C21orf58: variants seen among roughly 807,000 people sequenced by gnomAD.
C21orf58 encodes the protein chromosome 21 open reading frame 58.
C21orf58 carries 34 observed loss-of-function variants against 35.8 expected under a neutral mutation model. The ratio of observed to expected loss-of-function variants is 0.95; its 90% confidence interval spans 0.72 to 1.26. The LOEUF (loss-of-function observed/expected upper bound fraction) is 1.26, where lower values mean the gene tolerates loss of function less well. C21orf58 is among the 50% of genes most tolerant of loss of function. The pLI is 0.00. For missense variants in C21orf58, 440 were observed against 414.3 expected (o/e 1.06, Z -0.54); for synonymous variants, 191 against 175.8 (o/e 1.09, Z -0.68).
chr21:46,310,802 A>ACTCT (rs199803190), intron 6 of C21orf58, among the ~76,000 whole-genome samples: 2 of 149,298 alleles, frequency 1.3e-5, no homozygotes, highest in African/African-American at 4.9e-5. Context: ...AAAGTAAGAC[A>ACTCT]CTCTCTCTCT....
chr21:46,303,738 T>TATAC lies in C21orf58; in HGVS notation c.722-1163_722-1162insGTAT, dbSNP rs2082266793. ...ATATATATATATATATATATATATATATATATATTTTTTTTTTTTTTTTTT... is the reference window on the plus strand; with the variant it reads ...ATATATATATATATATATATATATATATACATATATATTTTTTTTTTTTTTTTTT... On this transcript the variant is annotated intron_variant, in intron 6 of 7. Transcript: ENST00000291691. Among the ~76,000 whole-genome samples, 6 of 23,856 alleles carry TATAC rather than the reference T, an allele frequency of 2.5e-4. No homozygotes were observed. In the South Asian group the frequency reaches 6.8e-3, roughly 27 times the overall value. The allele number at this position is 23,856 out of a possible 152,430, so 15.7% of individuals were successfully genotyped here.
intron 1 of C21orf58, chr21:46,318,464 C>T: frequency 7.1e-7 from 1 of 1,400,424 alleles, no homozygotes; most frequent in South Asian, 1.5e-5. Context: ...GGGCAGAACC[C>T]TCAGACCTGG....
At chr21:46,305,428 C>G (rs889505003) in intron 6 of C21orf58, among the ~76,000 whole-genome samples, 1 of 149,922 alleles carries the variant, frequency 6.7e-6, no homozygotes. Context: ...CTCCTGGGCT[C>G]AAGGGATCCC....
Position 46,301,354 on chromosome 21 carries a change from C to G in C21orf58, c.*645G>C, listed in dbSNP as rs1419235701. On this transcript the variant is annotated 3_prime_UTR_variant, in exon 8 of 8. Transcript: ENST00000291691. ...TAGAGACGGGGTCTTGCTATGTGACCCAGGCTGGTCTCGAATTCCTGAGCT... is the reference window on the plus strand; with the variant it reads ...TAGAGACGGGGTCTTGCTATGTGACGCAGGCTGGTCTCGAATTCCTGAGCT... 1 of 466,038 alleles carries G rather than the reference C, an allele frequency of 2.1e-6. No homozygotes were observed. Among genetic ancestry groups the G allele is most frequent in the Admixed American group, 6.4e-5 (1 of 15,632 alleles). The allele number at this position is 466,038 out of a possible 1,614,324, so 28.9% of individuals were successfully genotyped here.
At position 46,315,667 on chromosome 21, in the gene C21orf58, G is replaced by C. The variant is rs750080257; in HGVS notation, c.371-120C>G. On this transcript the variant is annotated intron_variant, in intron 3 of 7. Coordinates refer to ENST00000291691, the MANE Select transcript of C21orf58 (RefSeq NM_058180.5). ...CCTGCCTCACCCACACTCCCAGGAT[G>C]GGGGAGGCCTGGGAGGATCCTGGTC... 4 of 709,282 alleles carry C rather than the reference G, an allele frequency of 5.6e-6. No homozygotes were observed. In the Admixed American group the frequency reaches 6.2e-5, roughly 11 times the overall value. The allele number at this position is 709,282 out of a possible 1,614,324, so 43.9% of individuals were successfully genotyped here. A position where few individuals can be genotyped will look rare whatever the true frequency, so the allele number is the denominator to read the frequency against.
chr21:46,317,400 C>G, intron 2 of C21orf58, 132 bp from the exon 3 acceptor site: 4 of 1,499,816 alleles, frequency 2.7e-6, no homozygotes, highest in South Asian at 2.5e-5. Context: ...CCAGGGCCAA[C>G]AGGCGGGAGT....
Position 46,323,501 on chromosome 21 carries a change from C to G in C21orf58, c.-763G>C, listed in dbSNP as rs2146168238. ...GCGGGGCCTGCAGGTCCAGGCGGTTCGCGGGCTTTCTGACCGCATTCGGCC... is the reference window on the plus strand; with the variant it reads ...GCGGGGCCTGCAGGTCCAGGCGGTTGGCGGGCTTTCTGACCGCATTCGGCC... On this transcript the variant is annotated 5_prime_UTR_variant, in exon 1 of 8. Transcript: ENST00000291691. 6.6e-6 allele frequency: 1 copy of G among 152,498 alleles called. No homozygotes were observed. Among genetic ancestry groups the G allele is most frequent in the South Asian group, 2.0e-4 (1 of 4,996 alleles). The allele number at this position is 152,498 out of a possible 1,614,324, so 9.4% of individuals were successfully genotyped here.
chr21:46,301,788 C>A lies in C21orf58; in HGVS notation c.*211G>T. 1 of 1,239,732 alleles carries A rather than the reference C, an allele frequency of 8.1e-7. No homozygotes were observed. The highest frequency in any genetic ancestry group is 1.0e-6 in the Non-Finnish European group (1 of 992,442). The allele number at this position is 1,239,732 out of a possible 1,614,324, so 76.8% of individuals were successfully genotyped here. On this transcript the variant is annotated 3_prime_UTR_variant, in exon 8 of 8. Coordinates refer to ENST00000291691, the MANE Select transcript of C21orf58 (RefSeq NM_058180.5). ...CACAGGCCCCTCACTGCAGGGGACC[C>A]GGAGCAAGGGATGCCCCCTGGAATG...
At chr21:46,310,504 A>C (rs1346145032) in intron 6 of C21orf58, among the ~76,000 whole-genome samples, 1 of 151,594 alleles carries the variant, frequency 6.6e-6, no homozygotes, top group African/African-American at 2.4e-5. Context: ...AAATAAAAAA[A>C]AAAAACAAAA....
At chr21:46,315,240 A>C in intron 4 of C21orf58, 2 of 596,528 alleles carry the variant, frequency 3.4e-6, no homozygotes, top group East Asian at 2.8e-5. Context: ...GCAAACCTCC[A>C]GGCATCCCAG....
Position 46,301,340 on chromosome 21 carries a change from T to C in C21orf58, c.*659A>G, listed in dbSNP as rs1432572574. On this transcript the variant is annotated 3_prime_UTR_variant, in exon 8 of 8. Transcript: ENST00000291691. ...AAATTTATTTTTTGTAGAGACGGGG[T>C]CTTGCTATGTGACCCAGGCTGGTCT... 5.6e-6 allele frequency: 2 copies of C among 358,862 alleles called. No individual in the cohort carries two copies. Among genetic ancestry groups the C allele is most frequent in the African/African-American group, 4.4e-5 (2 of 45,058 alleles). The allele number at this position is 358,862 out of a possible 1,614,324, so 22.2% of individuals were successfully genotyped here.
intron 1 of C21orf58, chr21:46,318,453 G>A: frequency 7.1e-7 from 1 of 1,411,648 alleles, no homozygotes; most frequent in South Asian, 1.5e-5. Flanking sequence ...CTGAGGCAGA[G>A]GGGCAGAACC....
Position 46,301,929 on chromosome 21 carries a change from G to T in C21orf58, c.*70C>A. The T allele has an allele frequency of 7.1e-7, 1 of 1,399,250 alleles. No individual in the cohort carries two copies. Among genetic ancestry groups the T allele is most frequent in the Non-Finnish European group, 9.3e-7 (1 of 1,079,284 alleles). 86.7% of individuals were successfully genotyped at this position (1,399,250 alleles called of 1,614,324 possible). A position where few individuals can be genotyped will look rare whatever the true frequency, so the allele number is the denominator to read the frequency against. On this transcript the variant is annotated 3_prime_UTR_variant, in exon 8 of 8. Transcript: ENST00000291691. Reference sequence around the variant, plus strand: ...TCTCCCTGCTCCCTTCCATAGTCCCGCCACAGCCCACAGCCCTGAGGAAGC... The same window carrying T: ...TCTCCCTGCTCCCTTCCATAGTCCCTCCACAGCCCACAGCCCTGAGGAAGC...
chr21:46,318,991 C>T (rs1569138636), intron 1 of C21orf58: 2 of 335,452 alleles, frequency 6.0e-6, no homozygotes, highest in Non-Finnish European at 8.5e-6. Flanking sequence ...AGGTCAGCAC[C>T]CTCCTCGGTG....
chr21:46,314,744 G>C lies in C21orf58; in HGVS notation c.581C>G (p.Pro194Arg), dbSNP rs1447083259. Reference protein sequence around the residue: ...LPTASPSPLAPDPPRIILPTV... With the variant: ...LPTASPSPLARDPPRIILPTV... ...AGGCAGGATGATCCTTGGCGGGTCT[G>C]GGGCCAGCGGGGATGGGGAGGCAGT... Residue 194 changes from proline (P) to arginine (R), a missense_variant, in exon 5 of 8, where the codon CCA (proline) becomes CGA (arginine). Coordinates refer to ENST00000291691, the MANE Select transcript of C21orf58 (RefSeq NM_058180.5). 16 of 1,492,858 alleles carry C rather than the reference G, an allele frequency of 1.1e-5. No homozygotes were observed. Among genetic ancestry groups the C allele is most frequent in the Non-Finnish European group, 1.4e-5 (16 of 1,113,304 alleles). The allele number at this position is 1,492,858 out of a possible 1,614,324, so 92.5% of individuals were successfully genotyped here.
intron 6 of C21orf58, among the ~76,000 whole-genome samples, chr21:46,307,173 G>A (rs893123802): frequency 2.0e-5 from 3 of 152,140 alleles, no homozygotes; most frequent in Non-Finnish European, 4.4e-5. Flanking sequence ...TGGGATTACA[G>A]GTGTGAGCCG....
At chr21:46,315,412 C>T (rs1175651426) in intron 4 of C21orf58, 62 bp downstream of exon 4, 1 of 1,038,932 alleles carries the variant, frequency 9.6e-7, no homozygotes, top group Non-Finnish European at 1.5e-6. Context: ...TGCCTTAAGG[C>T]TGAGCAGCTA....
chr21:46,312,897 A>G (rs2082803664), intron 5 of C21orf58: 1 of 623,526 alleles, frequency 1.6e-6, no homozygotes, highest in Non-Finnish European at 2.0e-6. Flanking sequence ...ACTGTAGTAC[A>G]TATATAGAAC....
At chr21:46,303,784 C>T (rs1157719740) in intron 6 of C21orf58, among the ~76,000 whole-genome samples, 2 of 117,664 alleles carry the variant, frequency 1.7e-5, no homozygotes, top group African/African-American at 6.6e-5. Flanking sequence ...CAGAGTCTTG[C>T]TCTGTCGCCG....
Sources: allele counts gnomAD v4.1 joint callset (sites outside exome capture counted in the v4.1 genomes callset), GRCh38; gene constraint gnomAD v4.1.1; transcripts MANE v1.5; gene names NCBI Gene and HGNC (gene_info 2026-07-23, HGNC 2026-07-21).